TCHP: variants seen among roughly 807,000 people sequenced by gnomAD.
TCHP encodes trichoplein keratin filament binding.
TCHP carries 81 observed loss-of-function variants against 88.7 expected under a neutral mutation model. The ratio of observed to expected loss-of-function variants is 0.91; its 90% confidence interval spans 0.76 to 1.10. The LOEUF (loss-of-function observed/expected upper bound fraction) is 1.10, where lower values mean the gene tolerates loss of function less well. Ranked by LOEUF, TCHP falls within the 50% of genes least tolerant of loss-of-function variation. TCHP has a pLI of 0.00. For missense variants in TCHP, 641 were observed against 632.1 expected (o/e 1.01, Z -0.15); for synonymous variants, 232 against 232.5 (o/e 1.00, Z 0.02).
At position 109,915,086 on chromosome 12, in the gene TCHP, C is replaced by T. The variant is rs1420839277; in HGVS notation, c.1321-317C>T. The T allele has an allele frequency of 1.1e-4, 56 of 490,610 alleles. 1 individual carries two copies. In the Admixed American group the frequency reaches 2.0e-3, roughly 17 times the overall value. 30.4% of individuals were successfully genotyped at this position (490,610 alleles called of 1,614,324 possible). A position where few individuals can be genotyped will look rare whatever the true frequency, so the allele number is the denominator to read the frequency against. ...GGTACATGCCATGCATACAGCCTCT[C>T]CAGCTTTCTACCAGGTACACACAAT... is the stretch of plus-strand genomic sequence containing the variant. On this transcript the variant is annotated intron_variant, in intron 11 of 12. Transcript: ENST00000405876.
upstream of TCHP, among the ~76,000 whole-genome samples, chr12:109,895,265 A>C (rs1869530634): frequency 7.1e-6 from 1 of 140,622 alleles, no homozygotes; most frequent in East Asian, 2.1e-4. Flanking sequence ...GCTGCAGTGC[A>C]GTGGCTCAAT....
chr12:109,909,702 C>T (rs1870374278), intron 8 of TCHP, among the ~76,000 whole-genome samples: 1 of 152,174 alleles, frequency 6.6e-6, no homozygotes, highest in Non-Finnish European at 1.5e-5. Context: ...TGGCGGCTCA[C>T]ACCTGTAATC....
At chr12:109,893,776 TCA>T in the TCHP span, among the ~76,000 whole-genome samples, 3 of 152,264 alleles carry the variant, frequency 2.0e-5, no homozygotes, top group Middle Eastern at 0.01. Flanking sequence ...AGTTTATTAC[TCA>T]CAGATCCAGA....
At chr12:109,902,371 G>A (rs1427270053) in intron 1 of TCHP, among the ~76,000 whole-genome samples, 1 of 151,998 alleles carries the variant, frequency 6.6e-6, no homozygotes, top group African/African-American at 2.4e-5. Context: ...CTCATGATGT[G>A]GCTGGTCTCC....
In TCHP at chr12:109,915,404, T is replaced by C. The variant is rs1459024961; in HGVS notation, c.1322T>C (p.Val441Ala). Residue 441 changes from valine to alanine, a missense_variant and splice_region_variant, in exon 12 of 13, where the codon GTT (valine) becomes GCT (alanine). Val to Ala is a moderately conservative substitution (Grantham distance 64). Coordinates refer to ENST00000405876, the MANE Select transcript of TCHP (RefSeq NM_001143852.2). ...SARKQELEAQ[V>A]AERRLQAWEA... ...GGTGACTTTGCTCTTGGCACTCAGGTTGCAGAGCGCCGGCTGCAGGCATGG... is the reference window on the plus strand; with the variant it reads ...GGTGACTTTGCTCTTGGCACTCAGGCTGCAGAGCGCCGGCTGCAGGCATGG... 5 of 1,614,124 alleles carry C rather than the reference T, an allele frequency of 3.1e-6. No homozygotes were observed. Among genetic ancestry groups the C allele is most frequent in the Non-Finnish European group, 3.4e-6 (4 of 1,180,012 alleles).
the TCHP span, chr12:109,888,417 C>T: frequency 6.6e-6 from 1 of 152,230 alleles, no homozygotes; most frequent in Non-Finnish European, 1.5e-5. Flanking sequence ...ATCTGTAGGA[C>T]CAGCTTGACC....
Position 109,904,027 on chromosome 12 carries a change from G to C in TCHP, c.279G>C (p.Glu93Asp), listed in dbSNP as rs1004952636. 1 of 1,609,222 alleles carries C rather than the reference G, an allele frequency of 6.2e-7. No homozygotes were observed. The highest frequency in any genetic ancestry group is 1.3e-5 in the African/African-American group (1 of 74,884). Residue 93 changes from glutamate to aspartate, a missense_variant, in exon 3 of 13, where the codon GAG (glutamate) becomes GAC (aspartate). Glu to Asp is a conservative substitution (Grantham distance 45). Transcript: ENST00000405876. ...RREKLRQLMQ[E>D]EQDLLARELE... ...AAAAGCTCAGGCAGCTCATGCAGGA[G>C]GAGCAGGACCTGCTGGCCAGAGAAC...
chr12:109,882,647 ATTTTTTTTTTT>A, the TCHP span, among the ~76,000 whole-genome samples: 16 of 80,198 alleles, frequency 2.0e-4, no homozygotes, highest in East Asian at 1.2e-3. Flanking sequence ...AAGAGTTTGG[ATTTTTTTTTTT>A]TTTTTTTTTT....
the TCHP span, chr12:109,887,974 A>G: frequency 6.6e-6 from 1 of 152,078 alleles, no homozygotes; most frequent in Non-Finnish European, 1.5e-5. Flanking sequence ...GGGTCTCACT[A>G]TGTTGCCTAG....
intron 12 of TCHP, 144 bp downstream of exon 12, chr12:109,915,690 C>G (rs1220333809): frequency 2.8e-6 from 3 of 1,071,644 alleles, no homozygotes; most frequent in Non-Finnish European, 3.9e-6. Context: ...TCTTGTATTT[C>G]TCTCTTCCCT....
chr12:109,909,402 C>T (rs534117748), intron 8 of TCHP, among the ~76,000 whole-genome samples: 1 of 152,318 alleles, frequency 6.6e-6, no homozygotes, highest in East Asian at 1.9e-4. Flanking sequence ...CCAGAGGTGC[C>T]TGTTTAGTTC....
Position 109,905,672 on chromosome 12 carries a change from C to T in TCHP, c.456+879C>T, listed in dbSNP as rs1340139387. On this transcript the variant is annotated intron_variant, in intron 4 of 12. Coordinates refer to ENST00000405876, the MANE Select transcript of TCHP (RefSeq NM_001143852.2). The surrounding 1 kb of genome is among the most constrained non-coding windows in gnomAD (Gnocchi z 4.0). ...ATACATTTGGTGCCTTCGTGTTATT[C>T]GTAGTTACATTTAGAAATCGCCAGG... is the stretch of plus-strand genomic sequence containing the variant. 4.6e-5 allele frequency among the ~76,000 whole-genome samples: 7 copies of T among 152,118 alleles called. No individual in the cohort carries two copies. The highest frequency in any genetic ancestry group is 1.0e-4 in the Non-Finnish European group (7 of 68,018).
chr12:109,916,601 A>C lies in TCHP; in HGVS notation c.1475A>C (p.His492Pro), dbSNP rs764467179. ...EQGYRPKPYGHPKIAWN is the reference protein window; with the variant it reads ...EQGYRPKPYGPPKIAWN ...TCTTTCTTTTCTCAGCCTTACGGACATCCAAAAATTGCTTGGAACTGACTT... is the reference window on the plus strand; with the variant it reads ...TCTTTCTTTTCTCAGCCTTACGGACCTCCAAAAATTGCTTGGAACTGACTT... The change falls in exon 13 of 13, where the codon CAT becomes CCT. Residue 492 changes from histidine to proline, a missense_variant. Transcript: ENST00000405876. 1.6e-5 allele frequency: 26 copies of C among 1,613,716 alleles called. No homozygotes were observed. The highest frequency in any genetic ancestry group is 1.7e-5 in the Admixed American group (1 of 59,952).
chr12:109,897,636 C>A (rs1869598013), upstream of TCHP, among the ~76,000 whole-genome samples: 1 of 150,900 alleles, frequency 6.6e-6, no homozygotes, highest in Admixed American at 6.6e-5. Flanking sequence ...TCTCGGCTCA[C>A]TGCAACCTCT....
At chr12:109,881,735 A>AGACCACT in the TCHP span, among the ~76,000 whole-genome samples, 2 of 152,108 alleles carry the variant, frequency 1.3e-5, no homozygotes, top group Non-Finnish European at 2.9e-5. Flanking sequence ...CCCAAACCTA[A>AGACCACT]TGTCTCTCCA....
intron 1 of TCHP, among the ~76,000 whole-genome samples, chr12:109,901,968 G>T (rs1262289615): frequency 6.6e-6 from 1 of 152,186 alleles, no homozygotes; most frequent in Non-Finnish European, 1.5e-5. Flanking sequence ...CTGCCAAATA[G>T]CGAGGTGATT....
chr12:109,892,360 G>A, the TCHP span, among the ~76,000 whole-genome samples: 1 of 152,194 alleles, frequency 6.6e-6, no homozygotes. Context: ...GGGTCTTCCA[G>A]ACAGAGGGAA....
chr12:109,897,475 C>G (rs1869589776), upstream of TCHP, among the ~76,000 whole-genome samples: 1 of 152,126 alleles, frequency 6.6e-6, no homozygotes, highest in Admixed American at 6.5e-5. Context: ...AGTGGAAAGG[C>G]CTTGCCCAAG....
the TCHP span, among the ~76,000 whole-genome samples, chr12:109,886,445 A>G: frequency 6.6e-6 from 1 of 151,552 alleles, no homozygotes; most frequent in South Asian, 2.1e-4. Context: ...GCCTATTATT[A>G]TTTATTTAGT....
Sources: allele counts gnomAD v4.1 joint callset (sites outside exome capture counted in the v4.1 genomes callset), GRCh38; gene constraint gnomAD v4.1.1; non-coding constraint Gnocchi (gnomAD v3.1); transcripts MANE v1.5; gene names NCBI Gene and HGNC (gene_info 2026-07-23, HGNC 2026-07-21).